FARS2: variants seen among roughly 807,000 people sequenced by gnomAD.
FARS2 encodes phenylalanyl-tRNA synthetase 2, mitochondrial, also known as phenylalanine--tRNA ligase, mitochondrial.
Under a neutral mutation model 46.4 loss-of-function variants are expected in FARS2, and 40 were observed. The observed-to-expected ratio is 0.86, with a 90% CI of 0.67 to 1.12. FARS2 has a LOEUF of 1.12. Among genes scored for constraint, FARS2 ranks in the 50% most tolerant of loss-of-function variants. The pLI is 0.00. For synonymous variants in FARS2, 234 were observed against 214.9 expected (o/e 1.09, Z -0.78); for missense variants, 513 against 567.9 (o/e 0.90, Z 0.98).
At chr6:5,740,664 A>C (rs1350372861) in intron 6 of FARS2, among the ~76,000 whole-genome samples, 1 of 152,142 alleles carries the variant, frequency 6.6e-6, no homozygotes, top group Non-Finnish European at 1.5e-5. Context: ...AGCGTGCTTC[A>C]CCTGGGCAAA....
intron 6 of FARS2, among the ~76,000 whole-genome samples, chr6:5,625,494 G>T (rs963399267): frequency 6.6e-6 from 1 of 152,224 alleles, no homozygotes; most frequent in Non-Finnish European, 1.5e-5. Flanking sequence ...AGACAGGGAT[G>T]AGGTCAGCCC....
In FARS2 at chr6:5,738,955, G is replaced by A. The variant is rs111395186; in HGVS notation, c.1218-32336G>A. On this transcript the variant is annotated intron_variant, in intron 6 of 6. Coordinates refer to ENST00000274680, the MANE Select transcript of FARS2 (RefSeq NM_006567.5). ...CCTGGACAATGACTCGTTAGAACAG[G>A]CATCAGTCATGCCACATTCTGTCAC... Among the ~76,000 whole-genome samples the A allele has an allele frequency of 5.4e-3, 818 of 152,156 alleles. 3 individuals carry two copies. Among genetic ancestry groups the A allele is most frequent in the African/African-American group, 0.018 (756 of 41,506 alleles).
intron 4 of FARS2, among the ~76,000 whole-genome samples, chr6:5,454,225 G>A (rs1418248504): frequency 1.4e-5 from 2 of 146,292 alleles, no homozygotes; most frequent in East Asian, 4.0e-4. Context: ...CCATGGACAT[G>A]CCTTTCTGCT....
intron 1 of FARS2, among the ~76,000 whole-genome samples, chr6:5,289,223 G>A (rs1767337112): frequency 6.6e-6 from 1 of 152,208 alleles, no homozygotes; most frequent in African/African-American, 2.4e-5. Context: ...AGAAGTTTGA[G>A]TACTCTATGC....
intron 6 of FARS2, among the ~76,000 whole-genome samples, chr6:5,682,468 A>G (rs1237187856): frequency 1.3e-5 from 2 of 152,198 alleles, no homozygotes; most frequent in Non-Finnish European, 2.9e-5. Flanking sequence ...TTCATTTGCA[A>G]AGATGTTATT....
chr6:5,689,478 G>A (rs1296324471), intron 6 of FARS2, among the ~76,000 whole-genome samples: 9 of 152,088 alleles, frequency 5.9e-5, no homozygotes, highest in Non-Finnish European at 1.2e-4. Flanking sequence ...TTCAGGAGCA[G>A]GTTGTTCAGT....
intron 1 of FARS2, among the ~76,000 whole-genome samples, chr6:5,281,551 A>G (rs1230967430): frequency 1.3e-5 from 2 of 152,138 alleles, no homozygotes; most frequent in Non-Finnish European, 2.9e-5. Flanking sequence ...GGAAAACACC[A>G]CCATCATCCA....
At position 5,584,714 on chromosome 6, in the gene FARS2, A is replaced by G. The variant is rs538122703; in HGVS notation, c.1066-28455A>G. Among the ~76,000 whole-genome samples, 25 of 152,176 alleles carry G rather than the reference A, an allele frequency of 1.6e-4. No homozygotes were observed. The South Asian group carries it at 5.2e-3, about 32-fold the overall frequency. On this transcript the variant is annotated intron_variant, in intron 5 of 6. Transcript: ENST00000274680. ...CTTCCATAGATATGCATCTGCCCCC[A>G]AATAGCGTTTAATGAAGAGGTCTTC...
At chr6:5,431,389 G>A (rs1438056805) in intron 4 of FARS2, among the ~76,000 whole-genome samples, 2 of 152,190 alleles carry the variant, frequency 1.3e-5, no homozygotes, top group Non-Finnish European at 2.9e-5. Context: ...TGTCTTTGGA[G>A]ATCCACCTTG....
At chr6:5,432,566 GGGAAAGTTGGTTTGGAT>G (rs1189573328) in intron 4 of FARS2, among the ~76,000 whole-genome samples, 2 of 133,360 alleles carry the variant, frequency 1.5e-5, no homozygotes, top group Admixed American at 7.9e-5. Flanking sequence ...AAAAAAAAAA[GGGAAAGTTGGTTTGGAT>G]TGGGCATTTG....
At chr6:5,621,424 C>G (rs945517009) in intron 6 of FARS2, among the ~76,000 whole-genome samples, 1 of 152,018 alleles carries the variant, frequency 6.6e-6, no homozygotes, top group African/African-American at 2.4e-5. Flanking sequence ...AAATAACATG[C>G]GAAAAGTGAA....
At chr6:5,577,969 T>C (rs1773086878) in intron 5 of FARS2, among the ~76,000 whole-genome samples, 1 of 152,048 alleles carries the variant, frequency 6.6e-6, no homozygotes, top group African/African-American at 2.4e-5. Context: ...GCCTGGCTAA[T>C]TTTTTGTATT....
intron 1 of FARS2, among the ~76,000 whole-genome samples, chr6:5,275,244 A>C (rs1295038570): frequency 6.6e-6 from 1 of 152,168 alleles, no homozygotes; most frequent in African/African-American, 2.4e-5. Flanking sequence ...CCTTCTCTTG[A>C]ATAATCAATA....
intron 6 of FARS2, among the ~76,000 whole-genome samples, chr6:5,652,078 C>T (rs1398477644): frequency 6.6e-6 from 1 of 152,104 alleles, no homozygotes; most frequent in African/African-American, 2.4e-5. Flanking sequence ...CTCCGCATGC[C>T]CACATCAGGA....
chr6:5,425,459 G>A (rs2127758149), intron 3 of FARS2, among the ~76,000 whole-genome samples: 1 of 152,272 alleles, frequency 6.6e-6, no homozygotes, highest in African/African-American at 2.4e-5. Context: ...AATGTTTATA[G>A]TATGTCAGAC....
intron 6 of FARS2, among the ~76,000 whole-genome samples, chr6:5,704,675 C>T (rs559335643): frequency 4.0e-4 from 61 of 152,214 alleles, no homozygotes; most frequent in African/African-American, 1.4e-3. Context: ...TCAAGACATA[C>T]GCAAGAGGTA....
At chr6:5,418,063 T>A (rs937386439) in intron 3 of FARS2, among the ~76,000 whole-genome samples, 16 of 152,244 alleles carry the variant, frequency 1.1e-4, no homozygotes, top group Non-Finnish European at 1.5e-5. Context: ...TGGATCTTTT[T>A]AATATCATCC....
At chr6:5,599,631 A>T (rs1184465523) in intron 5 of FARS2, among the ~76,000 whole-genome samples, 2 of 152,232 alleles carry the variant, frequency 1.3e-5, no homozygotes, top group African/African-American at 4.8e-5. Context: ...CACCCATTTA[A>T]GGTCTGTAAT....
At chr6:5,465,528 G>A (rs1029426477) in intron 4 of FARS2, among the ~76,000 whole-genome samples, 13 of 152,154 alleles carry the variant, frequency 8.5e-5, no homozygotes, top group African/African-American at 2.9e-4. Flanking sequence ...ATCTCCAATC[G>A]ATTTTCTGTT....
Sources: gnomAD v4.1 joint callset for allele counts (sites outside exome capture counted in the v4.1 genomes callset) on GRCh38, gnomAD v4.1.1 for gene constraint, MANE v1.5 for transcripts, NCBI Gene and HGNC (gene_info 2026-07-23, HGNC 2026-07-21) for gene names.